The following FOXP2 variants were observed in gnomAD, a reference collection of about 807,000 sequenced individuals.
FOXP2 encodes the protein forkhead box protein P2.
Under a neutral mutation model 115.8 loss-of-function variants are expected in FOXP2, and 12 were observed. The observed-to-expected ratio is 0.10, with a 90% CI of 0.07 to 0.17. The LOEUF (loss-of-function observed/expected upper bound fraction) is 0.17, where lower values mean the gene tolerates loss of function less well. Among genes scored for constraint, FOXP2 ranks in the 10% least tolerant of loss-of-function variants. The pLI, the probability that FOXP2 is intolerant of heterozygous loss-of-function variation, is 1.00. For missense variants in FOXP2, 629 were observed against 843.5 expected (o/e 0.75, Z 3.15); for synonymous variants, 328 against 297.7 (o/e 1.10, Z -1.05).
At chr7:114,481,198 C>T (rs1358923206) in intron 2 of FOXP2, among the ~76,000 whole-genome samples, 1 of 151,160 alleles carries the variant, frequency 6.6e-6, no homozygotes, top group African/African-American at 2.4e-5. Flanking sequence ...ATCCCATTTC[C>T]TTTTGGAGTT....
chr7:114,660,996 G>A (rs1459643262), intron 13 of FOXP2, among the ~76,000 whole-genome samples: 1 of 150,332 alleles, frequency 6.7e-6, no homozygotes, highest in Non-Finnish European at 1.5e-5. Flanking sequence ...CAGAGCCATG[G>A]GCATTAAGAT....
chr7:114,135,284 T>G (rs189311723), intron 1 of FOXP2, among the ~76,000 whole-genome samples: 2 of 152,306 alleles, frequency 1.3e-5, no homozygotes, highest in South Asian at 2.1e-4. Flanking sequence ...CTGCTGATTT[T>G]TAGTGCCATT....
At chr7:114,248,127 T>A (rs1799248) in intron 1 of FOXP2, among the ~76,000 whole-genome samples, 88,207 of 151,462 alleles carry the variant, frequency 0.58, 27,764 homozygotes, top group Admixed American at 0.75. Flanking sequence ...TCCAATGGTA[T>A]AAGTTCAGTC....
At chr7:114,549,749 G>C (rs1330093648) in intron 3 of FOXP2, among the ~76,000 whole-genome samples, 15 of 151,854 alleles carry the variant, frequency 9.9e-5, no homozygotes, top group Non-Finnish European at 1.5e-5. Context: ...TAAACTTGTG[G>C]TTTGTGGAAT....
chr7:114,604,219 A>T (rs374932115), intron 3 of FOXP2, among the ~76,000 whole-genome samples: 1 of 152,264 alleles, frequency 6.6e-6, no homozygotes, highest in African/African-American at 2.4e-5. Flanking sequence ...TGGCAAAAAG[A>T]GAACTGGAGA....
At chr7:114,330,644 T>C (rs887487675) in intron 2 of FOXP2, among the ~76,000 whole-genome samples, 3 of 151,930 alleles carry the variant, frequency 2.0e-5, no homozygotes, top group East Asian at 1.9e-4. Flanking sequence ...GAGAAACTTA[T>C]ATGAATCATA....
upstream of FOXP2, among the ~76,000 whole-genome samples, chr7:114,162,289 G>C (rs1378413284): frequency 6.6e-6 from 1 of 151,782 alleles, no homozygotes; most frequent in Admixed American, 6.6e-5. Flanking sequence ...TTGTAAATTT[G>C]TTTGAGAATT....
At chr7:114,167,856 A>G (rs1350256534) in intron 1 of FOXP2, among the ~76,000 whole-genome samples, 1 of 151,472 alleles carries the variant, frequency 6.6e-6, no homozygotes, top group Non-Finnish European at 1.5e-5. Context: ...GAATGGTGTG[A>G]ACCTGGGAGG....
intron 1 of FOXP2, among the ~76,000 whole-genome samples, chr7:114,204,124 C>T (rs138335661): frequency 2.0e-4 from 31 of 151,826 alleles, no homozygotes; most frequent in South Asian, 6.3e-4. Context: ...TCAATATGTC[C>T]GATAAAAGTA....
chr7:114,196,057 G>A (rs1367664460), intron 1 of FOXP2, among the ~76,000 whole-genome samples: 1 of 152,102 alleles, frequency 6.6e-6, no homozygotes, highest in Non-Finnish European at 1.5e-5. Context: ...TCTGTCACCA[G>A]GCTGAAATGT....
chr7:114,210,261 G>A (rs1270830753), intron 1 of FOXP2, among the ~76,000 whole-genome samples: 1 of 152,104 alleles, frequency 6.6e-6, no homozygotes, highest in Non-Finnish European at 1.5e-5. Flanking sequence ...TCTCATCTTT[G>A]TGGGCTTATC....
intron 3 of FOXP2, among the ~76,000 whole-genome samples, chr7:114,621,154 G>A (rs1485559259): frequency 2.0e-5 from 3 of 151,970 alleles, no homozygotes; most frequent in Non-Finnish European, 4.4e-5. Flanking sequence ...AACTGTTCTC[G>A]ATGATGCAGT....
At chr7:114,143,487 G>C (rs985236563) in intron 1 of FOXP2, among the ~76,000 whole-genome samples, 2 of 151,982 alleles carry the variant, frequency 1.3e-5, no homozygotes, top group African/African-American at 4.8e-5. Flanking sequence ...GGATTGGTAT[G>C]ACAATAGTTT....
chr7:114,671,209 G>A (rs1165570320), intron 16 of FOXP2, among the ~76,000 whole-genome samples: 1 of 150,764 alleles, frequency 6.6e-6, no homozygotes, highest in Non-Finnish European at 1.5e-5. Flanking sequence ...TTTTTTTTAA[G>A]TGCTACAAGT....
At chr7:114,576,969 C>T (rs944596774) in intron 3 of FOXP2, among the ~76,000 whole-genome samples, 6 of 151,884 alleles carry the variant, frequency 4.0e-5, no homozygotes, top group African/African-American at 1.4e-4. Context: ...CATACATACA[C>T]ATATCTAAGC....
chr7:114,686,240 T>A (rs1780789331), intron 16 of FOXP2, among the ~76,000 whole-genome samples: 1 of 152,120 alleles, frequency 6.6e-6, no homozygotes. Context: ...TGGCACTGTT[T>A]CGCCTTACTG....
At chr7:114,126,454 C>T (rs1383398754) in intron 1 of FOXP2, among the ~76,000 whole-genome samples, 2 of 152,002 alleles carry the variant, frequency 1.3e-5, no homozygotes, top group African/African-American at 2.4e-5. Flanking sequence ...CAAAATAGCT[C>T]CTCCTTTAAT....
intron 2 of FOXP2, among the ~76,000 whole-genome samples, chr7:114,332,491 G>T (rs899096498): frequency 6.6e-6 from 1 of 152,052 alleles, no homozygotes; most frequent in African/African-American, 2.4e-5. Flanking sequence ...ATTATATCTT[G>T]ATTTTTAATT....
At chr7:114,403,635 T>C (rs1792947845) in intron 2 of FOXP2, among the ~76,000 whole-genome samples, 1 of 152,206 alleles carries the variant, frequency 6.6e-6, no homozygotes, top group Non-Finnish European at 1.5e-5. Context: ...AAGGATACTA[T>C]AGCTTACCCT....
Sources: allele counts gnomAD v4.1 joint callset (sites outside exome capture counted in the v4.1 genomes callset), GRCh38; gene constraint gnomAD v4.1.1; transcripts MANE v1.5; gene names NCBI Gene and HGNC (gene_info 2026-07-23, HGNC 2026-07-21).